The following CNOT7 variants were observed in gnomAD, a reference collection of about 807,000 sequenced individuals.
CNOT7 encodes BTG1-binding factor 1.
CNOT7 carries 4 observed loss-of-function variants against 37.1 expected under a neutral mutation model. The ratio of observed to expected loss-of-function variants is 0.11; its 90% CI spans 0.05 to 0.25. The LOEUF is 0.25. CNOT7 is among the 10% of genes least tolerant of loss of function. The probability of loss-of-function intolerance (pLI) is 1.00; values close to 1 mark genes in which losing one functional copy is unlikely to be tolerated. For missense variants in CNOT7, 170 were observed against 336.2 expected (o/e 0.51, Z 3.87); for synonymous variants, 128 against 115.6 (o/e 1.11, Z -0.69).
chr8:17,246,458 C>T (rs1453362759), intron 1 of CNOT7: 1 of 153,014 alleles, frequency 6.5e-6, no homozygotes, highest in African/African-American at 2.4e-5. Context: ...TGCGAAGCCC[C>T]AGGTACAAAG....
intron 6 of CNOT7, among the ~76,000 whole-genome samples, chr8:17,231,072 T>C (rs533742831): frequency 2.6e-5 from 4 of 152,108 alleles, no homozygotes; most frequent in Non-Finnish European, 5.9e-5. Context: ...AAAAAGTGTA[T>C]AAATGCATGT....
Position 17,243,039 on chromosome 8 carries a change from G to A in CNOT7, c.264C>T (p.Tyr88=), listed in dbSNP as rs185194546. 5.0e-6 allele frequency: 8 copies of A among 1,606,568 alleles called. No individual in the cohort carries two copies. In the East Asian group the frequency reaches 1.6e-4, roughly 32 times the overall value. The stretch of plus-strand genomic sequence containing the variant: ...ACTGCCAAGTTGAAGTTCCTGGAGG[G>A]TATTCTCCTTGCTCATTCATAAATG... ...GLTFMNEQGE[Y]PPGTSTWQFN... Residue 88 remains tyrosine (Y), a synonymous_variant, in exon 3 of 7, where the codon TAC becomes TAT. Coordinates refer to ENST00000361272, the MANE Select transcript of CNOT7 (RefSeq NM_013354.7).
intron 5 of CNOT7, among the ~76,000 whole-genome samples, chr8:17,234,291 CTT>C (rs1056416449): frequency 1.3e-5 from 2 of 152,168 alleles, no homozygotes; most frequent in African/African-American, 2.4e-5. Context: ...GAAAGAAAAA[CTT>C]TTGCCACACT....
intron 3 of CNOT7, among the ~76,000 whole-genome samples, chr8:17,239,268 T>A (rs1585820480): frequency 1.3e-5 from 2 of 152,066 alleles, no homozygotes; most frequent in South Asian, 4.1e-4. Flanking sequence ...CGAACTGGTC[T>A]TAAACTGAGC....
Position 17,230,181 on chromosome 8 carries a change from G to A in CNOT7, c.*539C>T, listed in dbSNP as rs1036963014. ...GTTTGCACAACGTGCTATATTCTGT[G>A]GGTCAAAACCAAGTAAATACTGTGT... On this transcript the variant is annotated 3_prime_UTR_variant, in exon 7 of 7. Transcript: ENST00000361272. 1.3e-5 allele frequency: 2 copies of A among 152,438 alleles called. 1 individual carries two copies. The highest frequency in any genetic ancestry group is 1.3e-4 in the Admixed American group (2 of 15,244). The allele number at this position is 152,438 out of a possible 1,614,324, so 9.4% of individuals were successfully genotyped here. A position where few individuals can be genotyped will look rare whatever the true frequency, so the allele number is the denominator to read the frequency against.
At chr8:17,230,953 T>C (rs994488313) in intron 6 of CNOT7, 105 bp from the exon 7 acceptor site, 11 of 769,062 alleles carry the variant, frequency 1.4e-5, no homozygotes, top group Non-Finnish European at 2.1e-5. Flanking sequence ...CTGACAATAA[T>C]GATGGCTCTT....
chr8:17,226,186 ATTT>A lies in CNOT7; in HGVS notation c.*4531_*4533del, dbSNP rs931077021. 6.6e-6 allele frequency: 1 copy of A among 150,396 alleles called. No individual in the cohort carries two copies. 9.3% of individuals were successfully genotyped at this position (150,396 alleles called of 1,614,324 possible). On this transcript the variant is annotated 3_prime_UTR_variant, in exon 7 of 7. Coordinates refer to ENST00000361272, the MANE Select transcript of CNOT7 (RefSeq NM_013354.7). ...TTGAAAACTCAAAATATTGAGTACA[ATTT>A]TTTTTTCTTTTTTTAGTAATAGAGT...
At position 17,228,006 on chromosome 8, in the gene CNOT7, C is replaced by CCAT. The variant is rs1808270159; in HGVS notation, c.*2711_*2713dup. 6.6e-6 allele frequency: 1 copy of CCAT among 151,870 alleles called. No individual in the cohort carries two copies. Among genetic ancestry groups the CCAT allele is most frequent in the African/African-American group, 2.4e-5 (1 of 41,402 alleles). The allele number at this position is 151,870 out of a possible 1,614,324, so 9.4% of individuals were successfully genotyped here. On this transcript the variant is annotated 3_prime_UTR_variant, in exon 7 of 7. Transcript: ENST00000361272. ...GTTCTGTAGCAGCTACTCAACTTTC[C>CCAT]CATTATAGCAAAAAAGTATCCATAG...
Position 17,228,698 on chromosome 8 carries a change from G to T in CNOT7, c.*2022C>A, listed in dbSNP as rs1177053589. The T allele has an allele frequency of 1.3e-5, 2 of 152,000 alleles. No homozygotes were observed. Among genetic ancestry groups the T allele is most frequent in the East Asian group, 3.9e-4 (2 of 5,184 alleles). The allele number at this position is 152,000 out of a possible 1,614,324, so 9.4% of individuals were successfully genotyped here. ...TTAGGGATTATCTATACTTTTTAGGGACAGAAGCCAGAAATGATACAAGTT... is the reference window on the plus strand; with the variant it reads ...TTAGGGATTATCTATACTTTTTAGGTACAGAAGCCAGAAATGATACAAGTT... On this transcript the variant is annotated 3_prime_UTR_variant, in exon 7 of 7. Coordinates refer to ENST00000361272, the MANE Select transcript of CNOT7 (RefSeq NM_013354.7).
At chr8:17,243,353 A>G (rs543291367) in intron 2 of CNOT7, 168 bp from the exon 3 acceptor site, 5 of 642,774 alleles carry the variant, frequency 7.8e-6, no homozygotes, top group African/African-American at 7.3e-5. Flanking sequence ...TTAGAACCAT[A>G]AAACTCTATA....
rs747887308 is a variant in CNOT7 at position 17,245,177 on chromosome 8, T to C, written c.-25A>G. 1.3e-5 allele frequency: 20 copies of C among 1,585,926 alleles called. No homozygotes were observed. Among genetic ancestry groups the C allele is most frequent in the Non-Finnish European group, 1.7e-5 (20 of 1,167,758 alleles). On this transcript the variant is annotated 5_prime_UTR_variant, in exon 2 of 7. Coordinates refer to ENST00000361272, the MANE Select transcript of CNOT7 (RefSeq NM_013354.7). ...TAGTGAGGGCACAAGGGAGTCTAGA[T>C]GCCAAGCATCAAAATGTTATACTTG...
In CNOT7 at chr8:17,228,992, T is replaced by C. The variant is rs978742153; in HGVS notation, c.*1728A>G. The C allele has an allele frequency of 1.3e-5, 2 of 151,972 alleles. No individual in the cohort carries two copies. Among genetic ancestry groups the C allele is most frequent in the Admixed American group, 6.6e-5 (1 of 15,244 alleles). 9.4% of individuals were successfully genotyped at this position (151,972 alleles called of 1,614,324 possible). Reference sequence around the variant, plus strand: ...AAGTATATCCTTCGGAATAAATGCATTCCTGGAAAGGAGAAACAGAAGTCA... The same window carrying C: ...AAGTATATCCTTCGGAATAAATGCACTCCTGGAAAGGAGAAACAGAAGTCA... On this transcript the variant is annotated 3_prime_UTR_variant, in exon 7 of 7. Coordinates refer to ENST00000361272, the MANE Select transcript of CNOT7 (RefSeq NM_013354.7).
intron 3 of CNOT7, chr8:17,241,376 A>T (rs1810141589): frequency 6.6e-6 from 1 of 150,424 alleles, no homozygotes; most frequent in African/African-American, 2.5e-5. Context: ...CCAAATGGAG[A>T]GTATATTATT....
intron 4 of CNOT7, among the ~76,000 whole-genome samples, chr8:17,236,720 G>C (rs1809411307): frequency 6.6e-6 from 1 of 152,034 alleles, no homozygotes; most frequent in Non-Finnish European, 1.5e-5. Flanking sequence ...TTTAAAAACT[G>C]TCTGCCCACC....
chr8:17,232,391 C>G, intron 6 of CNOT7, 36 bp downstream of exon 6: 2 of 1,613,518 alleles, frequency 1.2e-6, no homozygotes, highest in Non-Finnish European at 1.7e-6. Flanking sequence ...CTCAACCTAA[C>G]AACCAACTGA....
chr8:17,243,388 TA>T (rs2151006003), intron 2 of CNOT7: 1 of 640,318 alleles, frequency 1.6e-6, no homozygotes, highest in Non-Finnish European at 2.8e-6. Context: ...TCCTTAAATA[TA>T]TCCAAAAAGT....
At chr8:17,240,490 T>C (rs1285439764) in intron 3 of CNOT7, among the ~76,000 whole-genome samples, 1 of 152,146 alleles carries the variant, frequency 6.6e-6, no homozygotes, top group Non-Finnish European at 1.5e-5. Context: ...CAAAACTTGG[T>C]AGTAAACTTT....
chr8:17,239,383 C>A (rs1489730216), intron 3 of CNOT7, among the ~76,000 whole-genome samples: 1 of 152,016 alleles, frequency 6.6e-6, no homozygotes, highest in Non-Finnish European at 1.5e-5. Context: ...CTCTCTATCT[C>A]CTTCTTTACA....
At chr8:17,238,244 G>A (rs958915331) in intron 3 of CNOT7, among the ~76,000 whole-genome samples, 1 of 152,092 alleles carries the variant, frequency 6.6e-6, no homozygotes, top group African/African-American at 2.4e-5. Flanking sequence ...TTTTTAAATT[G>A]TAAGAATACT....
Sources: allele counts gnomAD v4.1 joint callset (sites outside exome capture counted in the v4.1 genomes callset), GRCh38; gene constraint gnomAD v4.1.1; transcripts MANE v1.5; gene names NCBI Gene and HGNC (gene_info 2026-07-23, HGNC 2026-07-21).